Variants in CEP70 observed in about 807,000 individuals in gnomAD.
CEP70 encodes centrosomal protein 70.
CEP70 carries 70 observed loss-of-function variants against 90.9 expected under a neutral mutation model. The observed-to-expected ratio is 0.77, with a 90% CI of 0.64 to 0.94. CEP70 has a LOEUF of 0.94. CEP70 is among the 40% of genes least tolerant of loss of function. The pLI, the probability that CEP70 is intolerant of heterozygous loss-of-function variation, is 0.00. For missense variants in CEP70, 648 were observed against 669.0 expected, an observed-to-expected ratio of 0.97 and a Z score of 0.35; for synonymous variants, 220 against 228.3, an observed-to-expected ratio of 0.96 and a Z score of 0.33.
At chr3:138,501,819 T>C (rs930418486) in intron 13 of CEP70, among the ~76,000 whole-genome samples, 1 of 152,152 alleles carries the variant, frequency 6.6e-6, no homozygotes, top group African/African-American at 2.4e-5. Flanking sequence ...TGCTCCAAAA[T>C]CTGAAACTCT....
At chr3:138,547,733 G>T (rs1219951001) in intron 6 of CEP70, among the ~76,000 whole-genome samples, 1 of 152,162 alleles carries the variant, frequency 6.6e-6, no homozygotes, top group Admixed American at 6.5e-5. Context: ...TGATAACCAA[G>T]ACAGCTACCA....
chr3:138,554,102 G>A (rs2039820890), intron 6 of CEP70, among the ~76,000 whole-genome samples: 1 of 151,878 alleles, frequency 6.6e-6, no homozygotes, highest in South Asian at 2.1e-4. Flanking sequence ...TCAGGAGACT[G>A]AGGCAGGAGA....
At chr3:138,589,271 T>C (rs2042256037) in intron 2 of CEP70, among the ~76,000 whole-genome samples, 1 of 152,044 alleles carries the variant, frequency 6.6e-6, no homozygotes, top group African/African-American at 2.4e-5. Flanking sequence ...AAACTACAAA[T>C]GGAAAGAAAA....
At chr3:138,571,183 G>T (rs771931404) in intron 4 of CEP70, 26 bp from the exon 5 acceptor site, 3 of 1,552,570 alleles carry the variant, frequency 1.9e-6, no homozygotes, top group Admixed American at 1.9e-5. Context: ...ATATAATACA[G>T]ATAGTAAAAA....
intron 6 of CEP70, among the ~76,000 whole-genome samples, chr3:138,543,090 G>A (rs1006708764): frequency 2.0e-5 from 3 of 152,182 alleles, no homozygotes; most frequent in African/African-American, 2.4e-5. Context: ...TCCAGGTTGC[G>A]GACTCCACCT....
chr3:138,516,904 G>T (rs2036084398), intron 11 of CEP70, among the ~76,000 whole-genome samples: 1 of 152,122 alleles, frequency 6.6e-6, no homozygotes, highest in Non-Finnish European at 1.5e-5. Flanking sequence ...CCATTCCCTT[G>T]AATCAAAGAG....
chr3:138,564,543 A>G (rs2040637727), intron 6 of CEP70, among the ~76,000 whole-genome samples: 1 of 152,240 alleles, frequency 6.6e-6, no homozygotes, highest in African/African-American at 2.4e-5. Context: ...CTGGTTTGAC[A>G]CATGCAAATC....
rs2033860395 is a variant in CEP70, at chr3:138,494,799, A to T, written c.*216T>A. 2.5e-6 allele frequency: 1 copy of T among 394,768 alleles called. No homozygotes were observed. Among genetic ancestry groups the T allele is most frequent in the Non-Finnish European group, 4.6e-6 (1 of 219,312 alleles). The allele number at this position is 394,768 out of a possible 1,614,324, so 24.5% of individuals were successfully genotyped here. A position where few individuals can be genotyped will look rare whatever the true frequency, so the allele number is the denominator to read the frequency against. ...CAATAATTGCTTTAGAAATGAAGGGATCTAAAGTTAATTACCTTACCCTTG... is the reference window on the plus strand; with the variant it reads ...CAATAATTGCTTTAGAAATGAAGGGTTCTAAAGTTAATTACCTTACCCTTG... On this transcript the variant is annotated 3_prime_UTR_variant, in exon 18 of 18. Transcript: ENST00000264982.
chr3:138,568,115 C>T (rs566449723), intron 6 of CEP70, among the ~76,000 whole-genome samples: 12 of 152,278 alleles, frequency 7.9e-5, no homozygotes, highest in Non-Finnish European at 1.6e-4. Flanking sequence ...GTATCCACTC[C>T]TCAATCATAT....
intron 7 of CEP70, 82 bp downstream of exon 7, chr3:138,537,096 C>A (rs1287979003): frequency 1.7e-5 from 17 of 985,132 alleles, no homozygotes; most frequent in Non-Finnish European, 4.2e-6. Context: ...GTTATAACCA[C>A]CCCCAAGATA....
At chr3:138,555,778 G>T (rs1354658710) in intron 6 of CEP70, among the ~76,000 whole-genome samples, 1 of 152,138 alleles carries the variant, frequency 6.6e-6, no homozygotes, top group African/African-American at 2.4e-5. Context: ...ATGTTGGTGT[G>T]GATGTGGTGA....
At chr3:138,580,403 C>G (rs1465490484) in intron 2 of CEP70, among the ~76,000 whole-genome samples, 1 of 152,150 alleles carries the variant, frequency 6.6e-6, no homozygotes, top group African/African-American at 2.4e-5. Context: ...CAGATCTTGT[C>G]CAAGACCAGC....
intron 6 of CEP70, among the ~76,000 whole-genome samples, chr3:138,544,503 C>T (rs1432130431): frequency 2.8e-5 from 4 of 144,072 alleles, no homozygotes; most frequent in Non-Finnish European, 6.0e-5. Context: ...AAACCCACTA[C>T]AGAGTGTGTA....
intron 16 of CEP70, among the ~76,000 whole-genome samples, chr3:138,499,569 A>G (rs956647675): frequency 3.9e-5 from 6 of 152,208 alleles, no homozygotes; most frequent in Non-Finnish European, 7.3e-5. Flanking sequence ...ATCTATTTTT[A>G]TCTTGAAAAT....
Position 138,497,523 on chromosome 3 carries a change from CACT to C in CEP70, c.1732+505_1732+507del, listed in dbSNP as rs996919382. The C allele has an allele frequency of 2.0e-4, 197 of 970,712 alleles. No homozygotes were observed. In the African/African-American group the frequency reaches 3.3e-3, roughly 16 times the overall value. The allele number at this position is 970,712 out of a possible 1,614,324, so 60.1% of individuals were successfully genotyped here. On this transcript the variant is annotated intron_variant, in intron 17 of 17. Coordinates refer to ENST00000264982, the MANE Select transcript of CEP70 (RefSeq NM_024491.4). ...AAGCAAATTTTTTCCTTTTAGGAGA[CACT>C]ACTACTAATGAAGCCCTCAATCTGA... is the stretch of plus-strand genomic sequence containing the variant.
At chr3:138,574,060 G>A (rs951954836) in intron 2 of CEP70, among the ~76,000 whole-genome samples, 1 of 152,138 alleles carries the variant, frequency 6.6e-6, no homozygotes, top group African/African-American at 2.4e-5. Context: ...GTTTCCAACT[G>A]AGGTACCTGG....
Position 138,514,496 on chromosome 3 carries a change from C to T in CEP70, c.945-5952G>A, listed in dbSNP as rs142772502. ...TTGTAAAGAGAATTCACTGGATTGA[C>T]AGGAGATTTTAGTTTTAATTATTTC... On this transcript the variant is annotated intron_variant, in intron 11 of 17. Transcript: ENST00000264982. Among the ~76,000 whole-genome samples, 595 of 152,118 alleles carry T rather than the reference C, an allele frequency of 3.9e-3. 3 individuals are homozygous for T. The highest frequency in any genetic ancestry group is 0.014 in the African/African-American group (571 of 41,508).
At chr3:138,537,001 C>CAAAAAAA (rs57447148) in intron 7 of CEP70, 177 bp downstream of exon 7, 401 of 247,386 alleles carry the variant, frequency 1.6e-3, no homozygotes, top group African/African-American at 3.9e-3. Context: ...ACCTCTAGAA[C>CAAAAAAA]AAAAAAAAAA....
intron 6 of CEP70, among the ~76,000 whole-genome samples, chr3:138,554,556 T>C (rs1194782796): frequency 6.6e-6 from 1 of 152,146 alleles, no homozygotes; most frequent in Admixed American, 6.6e-5. Flanking sequence ...TATGACTGTA[T>C]ACCTAGAAAA....
Sources: gnomAD v4.1 joint callset for allele counts (sites outside exome capture counted in the v4.1 genomes callset) on GRCh38, gnomAD v4.1.1 for gene constraint, MANE v1.5 for transcripts, NCBI Gene and HGNC (gene_info 2026-07-23, HGNC 2026-07-21) for gene names.